ANO2: variants seen among roughly 807,000 people sequenced by gnomAD.
ANO2 encodes anoctamin-2.
A neutral mutation model predicts 124.2 loss-of-function variants in ANO2; 101 were observed. The ratio of observed to expected loss-of-function variants is 0.81; its 90% CI spans 0.69 to 0.96. The LOEUF is 0.96. ANO2 is among the 40% of genes least tolerant of loss of function. The pLI, the probability that ANO2 is intolerant of heterozygous loss-of-function variation, is 0.00. For missense variants in ANO2, 1,293 were observed against 1,274.5 expected (o/e 1.01, Z -0.22); for synonymous variants, 486 against 482.5 (o/e 1.01, Z -0.09).
At chr12:5,591,891 C>T (rs965872047) in intron 20 of ANO2, among the ~76,000 whole-genome samples, 1 of 152,176 alleles carries the variant, frequency 6.6e-6, no homozygotes, top group African/African-American at 2.4e-5. Context: ...AGGGGAGTCA[C>T]TGCAGAGGCA....
chr12:5,613,017 G>C, intron 17 of ANO2, 59 bp from the exon 18 acceptor site: 1 of 1,542,468 alleles, frequency 6.5e-7, no homozygotes, highest in Non-Finnish European at 9.0e-7. Context: ...GGTGGCTCAA[G>C]GACATGTCTT....
intron 14 of ANO2, among the ~76,000 whole-genome samples, chr12:5,661,654 C>T (rs760908259): frequency 1.3e-5 from 2 of 152,040 alleles, no homozygotes; most frequent in Admixed American, 6.6e-5. Context: ...GACATGAGGG[C>T]GATGCCACTG....
intron 3 of ANO2, among the ~76,000 whole-genome samples, chr12:5,875,818 A>C (rs1024888917): frequency 6.6e-6 from 1 of 151,738 alleles, no homozygotes; most frequent in African/African-American, 2.4e-5. Context: ...CCTAGGCTAC[A>C]TCTAGAATGA....
At chr12:5,631,713 T>C (rs748551360) in intron 16 of ANO2, among the ~76,000 whole-genome samples, 1 of 152,086 alleles carries the variant, frequency 6.6e-6, no homozygotes, top group African/African-American at 2.4e-5. Flanking sequence ...TGAGGTCGTT[T>C]TGGCAGTCAC....
chr12:5,752,171 C>T (rs548439104), intron 10 of ANO2, among the ~76,000 whole-genome samples: 3 of 152,296 alleles, frequency 2.0e-5, no homozygotes, highest in African/African-American at 4.8e-5. Flanking sequence ...AATAATGCTG[C>T]TATGAATATA....
chr12:5,873,331 G>C (rs1323005790), intron 3 of ANO2, among the ~76,000 whole-genome samples: 1 of 151,358 alleles, frequency 6.6e-6, no homozygotes, highest in Non-Finnish European at 1.5e-5. Context: ...CTCTGGCACT[G>C]TCACTAGGCC....
chr12:5,593,722 T>C (rs909538667), intron 20 of ANO2, among the ~76,000 whole-genome samples: 15 of 152,236 alleles, frequency 9.9e-5, no homozygotes, highest in African/African-American at 3.6e-4. Flanking sequence ...ACTCCCAGAA[T>C]AGTCCTATGA....
intron 4 of ANO2, among the ~76,000 whole-genome samples, chr12:5,843,486 T>C (rs1432052728): frequency 6.6e-6 from 1 of 151,748 alleles, no homozygotes; most frequent in African/African-American, 2.4e-5. Context: ...AGCGACAGAG[T>C]TTGCAGTGAG....
intron 14 of ANO2, among the ~76,000 whole-genome samples, chr12:5,701,851 C>T (rs564163134): frequency 6.6e-6 from 1 of 152,250 alleles, no homozygotes; most frequent in African/African-American, 2.4e-5. Context: ...ACTAAAATTC[C>T]ACCTATTTAG....
At chr12:5,905,453 A>C (rs1940608070) in intron 3 of ANO2, among the ~76,000 whole-genome samples, 1 of 152,194 alleles carries the variant, frequency 6.6e-6, no homozygotes, top group South Asian at 2.1e-4. Context: ...TCAAAAGCAG[A>C]AGTACAGGGA....
intron 14 of ANO2, among the ~76,000 whole-genome samples, chr12:5,678,329 G>A (rs999929951): frequency 1.3e-5 from 2 of 152,164 alleles, no homozygotes; most frequent in African/African-American, 4.8e-5. Flanking sequence ...CTGAAGGGCT[G>A]TCCAACCAGA....
intron 14 of ANO2, among the ~76,000 whole-genome samples, chr12:5,649,717 G>A (rs1170906178): frequency 1.3e-5 from 2 of 152,114 alleles, no homozygotes; most frequent in African/African-American, 4.8e-5. Context: ...TGATTCTCCT[G>A]TCTCAGCCTC....
Position 5,921,206 on chromosome 12 carries a change from A to AC in ANO2, c.367_368insG (p.Leu123ArgfsTer20). On this transcript the variant is annotated frameshift_variant, in exon 3 of 25. Coordinates refer to ENST00000682330, the MANE Select transcript of ANO2 (RefSeq NM_001364791.2). LOFTEE classifies it high-confidence loss of function. Reference sequence around the variant, plus strand: ...TGTCTCCCCATTGGAGACGATAGCCAGCGAGTGGCCAGGGAAGCCTTGGGC... The same window carrying AC: ...TGTCTCCCCATTGGAGACGATAGCCACGCGAGTGGCCAGGGAAGCCTTGGGC... 1 of 1,613,964 alleles carries AC rather than the reference A, an allele frequency of 6.2e-7. No homozygotes were observed. Among genetic ancestry groups the AC allele is most frequent in the Non-Finnish European group, 8.5e-7 (1 of 1,179,866 alleles).
At chr12:5,641,037 T>C (rs1300710159) in intron 15 of ANO2, among the ~76,000 whole-genome samples, 1 of 152,208 alleles carries the variant, frequency 6.6e-6, no homozygotes. Context: ...TGGAATACTA[T>C]GCAGCCATAA....
chr12:5,666,627 T>G (rs1398489456), intron 14 of ANO2, among the ~76,000 whole-genome samples: 1 of 151,812 alleles, frequency 6.6e-6, no homozygotes, highest in Non-Finnish European at 1.5e-5. Context: ...TTTTCAGAAC[T>G]ATGCTCATTA....
intron 14 of ANO2, among the ~76,000 whole-genome samples, chr12:5,728,963 T>C (rs551217891): frequency 3.3e-5 from 5 of 152,334 alleles, no homozygotes; most frequent in Admixed American, 2.0e-4. Flanking sequence ...ATACCCTCCT[T>C]AAATCATACA....
intron 20 of ANO2, among the ~76,000 whole-genome samples, chr12:5,588,324 G>A (rs1404443563): frequency 6.6e-6 from 1 of 152,222 alleles, no homozygotes; most frequent in African/African-American, 2.4e-5. Flanking sequence ...GAACGGGGGA[G>A]GTCTAGCCAG....
At chr12:5,883,139 G>A (rs1241313765) in intron 3 of ANO2, among the ~76,000 whole-genome samples, 1 of 151,864 alleles carries the variant, frequency 6.6e-6, no homozygotes, top group African/African-American at 2.4e-5. Flanking sequence ...AATCTCATGA[G>A]TGGCTCCATT....
At chr12:5,833,348 T>C (rs1011916530) in intron 4 of ANO2, among the ~76,000 whole-genome samples, 5 of 152,168 alleles carry the variant, frequency 3.3e-5, no homozygotes, top group South Asian at 2.1e-4. Flanking sequence ...AATGGAGTCA[T>C]TGAGACACAG....
Sources: gnomAD v4.1 joint callset for allele counts (sites outside exome capture counted in the v4.1 genomes callset) on GRCh38, gnomAD v4.1.1 for gene constraint, MANE v1.5 for transcripts, NCBI Gene and HGNC (gene_info 2026-07-23, HGNC 2026-07-21) for gene names.